Variants in CSGALNACT1 observed in about 807,000 individuals in gnomAD.
CSGALNACT1 encodes the protein beta4GalNAcT-1.
In CSGALNACT1, 52 loss-of-function variants were observed where a neutral mutation model predicts 51.0. The observed-to-expected ratio is 1.02, with a 90% CI of 0.82 to 1.29. CSGALNACT1 has a LOEUF of 1.29. Among genes scored for constraint, CSGALNACT1 ranks in the 50% most tolerant of loss-of-function variants. The pLI is 0.00. For missense variants in CSGALNACT1, 935 were observed against 679.2 expected (o/e 1.38, Z -4.19); for synonymous variants, 341 against 254.4 (o/e 1.34, Z -3.24).
intron 1 of CSGALNACT1, among the ~76,000 whole-genome samples, chr8:19,644,333 C>T (rs1352977363): frequency 6.7e-6 from 1 of 148,816 alleles, no homozygotes; most frequent in Admixed American, 6.8e-5. Flanking sequence ...TAGTATATTT[C>T]TTTTTTGTTT....
chr8:19,639,262 G>T (rs545466791), intron 1 of CSGALNACT1, among the ~76,000 whole-genome samples: 1 of 152,334 alleles, frequency 6.6e-6, no homozygotes, highest in Non-Finnish European at 1.5e-5. Flanking sequence ...GGCACAGCAT[G>T]CTTGCCCTTG....
intron 4 of CSGALNACT1, among the ~76,000 whole-genome samples, chr8:19,473,579 A>T (rs1211597074): frequency 2.0e-5 from 3 of 152,208 alleles, no homozygotes; most frequent in Non-Finnish European, 4.4e-5. Context: ...TAAGATATTT[A>T]ATGACTCAGG....
chr8:19,720,166 C>T (rs939257480), intron 1 of CSGALNACT1, among the ~76,000 whole-genome samples: 4 of 152,204 alleles, frequency 2.6e-5, no homozygotes, highest in African/African-American at 4.8e-5. Context: ...TACCCCTGTC[C>T]TTCTCCTAGC....
intron 1 of CSGALNACT1, among the ~76,000 whole-genome samples, chr8:19,668,591 G>A (rs1036055448): frequency 2.6e-5 from 4 of 152,092 alleles, no homozygotes; most frequent in Admixed American, 1.3e-4. Context: ...GTCTTGCTCT[G>A]TCACACAGGT....
intron 1 of CSGALNACT1, among the ~76,000 whole-genome samples, chr8:19,688,451 T>C (rs1307468689): frequency 2.0e-5 from 3 of 152,166 alleles, no homozygotes; most frequent in Non-Finnish European, 4.4e-5. Flanking sequence ...AATTGCTAAG[T>C]GACATTTTTC....
chr8:19,428,131 T>C (rs1054105296), intron 6 of CSGALNACT1, among the ~76,000 whole-genome samples: 2 of 152,164 alleles, frequency 1.3e-5, no homozygotes, highest in African/African-American at 4.8e-5. Context: ...TCTGGATGGA[T>C]AATTCCCAGC....
intron 1 of CSGALNACT1, among the ~76,000 whole-genome samples, chr8:19,741,666 T>C (rs75790757): frequency 1.3e-5 from 2 of 152,170 alleles, no homozygotes; most frequent in African/African-American, 4.8e-5. Context: ...TAGGGACATT[T>C]AATAAAGGCT....
At chr8:19,627,844 G>A (rs2054646718) in intron 1 of CSGALNACT1, among the ~76,000 whole-genome samples, 1 of 151,992 alleles carries the variant, frequency 6.6e-6, no homozygotes, top group South Asian at 2.1e-4. Flanking sequence ...AAATAAAGCA[G>A]GATGAAAAAA....
intron 1 of CSGALNACT1, among the ~76,000 whole-genome samples, chr8:19,736,459 T>A (rs2063980224): frequency 6.6e-6 from 1 of 151,648 alleles, no homozygotes. Flanking sequence ...AAATATCACT[T>A]CCTATAGGGT....
intron 5 of CSGALNACT1, among the ~76,000 whole-genome samples, chr8:19,450,149 A>AGGAGGAGGCGGG (rs1554560975): frequency 2.8e-5 from 1 of 35,818 alleles, no homozygotes; most frequent in Non-Finnish European, 5.1e-5. Context: ...GGGGAAAAGG[A>AGGAGGAGGCGGG]GGAGGAGGAG....
chr8:19,531,164 C>T (rs1257407209), intron 3 of CSGALNACT1, among the ~76,000 whole-genome samples: 2 of 152,188 alleles, frequency 1.3e-5, no homozygotes, highest in Non-Finnish European at 2.9e-5. Flanking sequence ...GAGCTATTTT[C>T]TAAATCCTCA....
intron 5 of CSGALNACT1, among the ~76,000 whole-genome samples, chr8:19,449,808 A>T (rs1346713855): frequency 1.3e-5 from 2 of 152,080 alleles, no homozygotes; most frequent in Non-Finnish European, 2.9e-5. Flanking sequence ...TGGAATTGAG[A>T]AAGATTTTTT....
intron 3 of CSGALNACT1, among the ~76,000 whole-genome samples, chr8:19,532,839 T>C (rs1029148117): frequency 1.3e-5 from 2 of 152,206 alleles, no homozygotes; most frequent in Non-Finnish European, 2.9e-5. Flanking sequence ...AGGAAATGTT[T>C]ACACATACCC....
At chr8:19,597,196 A>G (rs924788919) in intron 2 of CSGALNACT1, among the ~76,000 whole-genome samples, 2 of 151,990 alleles carry the variant, frequency 1.3e-5, no homozygotes, top group Non-Finnish European at 2.9e-5. Context: ...AGGCTGAAAA[A>G]TATTCCATTG....
intron 8 of CSGALNACT1, among the ~76,000 whole-genome samples, chr8:19,411,679 C>A (rs1198019504): frequency 3.9e-5 from 6 of 152,118 alleles, no homozygotes; most frequent in African/African-American, 1.4e-4. Flanking sequence ...GTGAGAAGCT[C>A]CACCATTCTG....
chr8:19,673,637 T>G (rs1443451652), intron 1 of CSGALNACT1, among the ~76,000 whole-genome samples: 5 of 152,170 alleles, frequency 3.3e-5, no homozygotes, highest in Non-Finnish European at 7.3e-5. Context: ...CCAGTTCCAG[T>G]AGGTAAGAGT....
chr8:19,589,466 C>T lies in CSGALNACT1; in HGVS notation c.-297+1694G>A, dbSNP rs369553055. ...TAAGCCTCCTGAGTAGCTGGTACTA[C>T]GGGAGTGCACCACCACATCTGGCTA... On this transcript the variant is annotated intron_variant, in intron 3 of 9. Coordinates refer to ENST00000454498, the Ensembl canonical transcript of CSGALNACT1. Among the ~76,000 whole-genome samples the T allele has an allele frequency of 2.1e-3, 317 of 152,204 alleles. 18 individuals carry two copies. The South Asian group carries it at 0.063, about 30-fold the overall frequency.
At chr8:19,404,883 C>G in exon 10 of CSGALNACT1, 1 of 454,468 alleles carries the variant, frequency 2.2e-6, no homozygotes, top group Non-Finnish European at 4.4e-6. Context: ...CGAAAATACT[C>G]TTCAGAGAAA....
At chr8:19,666,814 AGAG>A in intron 1 of CSGALNACT1, among the ~76,000 whole-genome samples, 2 of 23,664 alleles carry the variant, frequency 8.5e-5, no homozygotes, top group African/African-American at 1.6e-4. Context: ...AAAGAAAGAG[AGAG>A]AGAGAGAGAG....
Sources: allele counts gnomAD v4.1 joint callset (sites outside exome capture counted in the v4.1 genomes callset), GRCh38; gene constraint gnomAD v4.1.1; transcripts MANE v1.5; gene names NCBI Gene and HGNC (gene_info 2026-07-23, HGNC 2026-07-21).